WNT2B: variants seen among roughly 807,000 people sequenced by gnomAD.
WNT2B encodes the protein Wnt family member 2B.
A neutral mutation model predicts 40.5 loss-of-function variants in WNT2B; 19 were observed. That is an observed-to-expected ratio of 0.47 (90% CI 0.33 to 0.69). The LOEUF (loss-of-function observed/expected upper bound fraction) is 0.69. Ranked by LOEUF, WNT2B falls within the 30% of genes least tolerant of loss-of-function variation. The probability of loss-of-function intolerance (pLI) is 0.02; values close to 1 mark genes in which losing one functional copy is unlikely to be tolerated. For missense variants in WNT2B, 467 were observed against 556.4 expected, an observed-to-expected ratio of 0.84 and a Z score of 1.62; for synonymous variants, 220 against 211.9, an observed-to-expected ratio of 1.04 and a Z score of -0.33.
intron 1 of WNT2B, among the ~76,000 whole-genome samples, chr1:112,483,541 G>A (rs1233864518): frequency 1.3e-5 from 2 of 150,508 alleles, no homozygotes; most frequent in Non-Finnish European, 2.9e-5. Flanking sequence ...AAACATAGGG[G>A]AACATTTTCT....
intron 1 of WNT2B, among the ~76,000 whole-genome samples, chr1:112,485,460 C>CAA (rs55872721): frequency 1.4e-4 from 18 of 129,106 alleles, no homozygotes; most frequent in African/African-American, 4.9e-4. Flanking sequence ...GACTCTGTCT[C>CAA]AAAAAAAAAA....
chr1:112,489,693 C>T (rs1279506140), intron 1 of WNT2B, among the ~76,000 whole-genome samples: 2 of 152,194 alleles, frequency 1.3e-5, no homozygotes. Flanking sequence ...TTCCTCATCC[C>T]ATTGTTGAGT....
intron 1 of WNT2B, among the ~76,000 whole-genome samples, chr1:112,468,007 AT>A (rs1345902595): frequency 6.6e-6 from 1 of 152,094 alleles, no homozygotes; most frequent in Admixed American, 6.5e-5. Flanking sequence ...TCTATTCTCT[AT>A]GGCCATGAGG....
rs1399320070 is a variant in WNT2B at position 112,509,182 on chromosome 1, AG to A, written c.-79del. On this transcript the variant is annotated 5_prime_UTR_variant, in exon 1 of 5. The change creates a premature stop within an existing upstream ORF in the 5' untranslated region. Transcript: ENST00000369684. The surrounding 1 kb of genome is among the most constrained non-coding windows in gnomAD (Gnocchi z 4.2). ...AACACCATGGCCCCCCAGGGGGGTG[AG>A]GTAGGAGCAGCCTGAGTACCCCCAG... 7.2e-7 allele frequency: 1 copy of A among 1,398,508 alleles called. No homozygotes were observed. Among genetic ancestry groups the A allele is most frequent in the African/African-American group, 1.5e-5 (1 of 65,470 alleles). The allele number at this position is 1,398,508 out of a possible 1,614,324, so 86.6% of individuals were successfully genotyped here.
upstream of WNT2B, chr1:112,508,934 C>A: frequency 8.6e-7 from 1 of 1,164,480 alleles, no homozygotes; most frequent in Non-Finnish European, 1.1e-6. This position sits in a 1 kb window ranked among gnomAD's most constrained non-coding sequence, Gnocchi z 4.2. Flanking sequence ...CCGTCCCGTC[C>A]AATGAGAGCC....
At chr1:112,497,294 C>T (rs1259172196) in intron 1 of WNT2B, among the ~76,000 whole-genome samples, 4 of 152,162 alleles carry the variant, frequency 2.6e-5, no homozygotes, top group Non-Finnish European at 5.9e-5. Context: ...AGTCTTTGCC[C>T]GGGCCCTGAG....
chr1:112,493,723 T>C (rs974957643), intron 1 of WNT2B, among the ~76,000 whole-genome samples: 9 of 151,926 alleles, frequency 5.9e-5, no homozygotes, highest in Non-Finnish European at 1.3e-4. Flanking sequence ...AGGTATAACA[T>C]GTATAATGAG....
At chr1:112,512,705 A>C (rs889511507) in intron 1 of WNT2B, among the ~76,000 whole-genome samples, 1 of 152,180 alleles carries the variant, frequency 6.6e-6, no homozygotes, top group African/African-American at 2.4e-5. Flanking sequence ...CTGACATCTG[A>C]GCTCAGTGCT....
chr1:112,504,454 G>T (rs1359005658), upstream of WNT2B, among the ~76,000 whole-genome samples: 1 of 152,096 alleles, frequency 6.6e-6, no homozygotes, highest in Non-Finnish European at 1.5e-5. Context: ...AAGCCCTTTT[G>T]GTCTGGCCTC....
intron 1 of WNT2B, among the ~76,000 whole-genome samples, chr1:112,502,447 A>G (rs959991529): frequency 2.6e-5 from 4 of 152,258 alleles, no homozygotes; most frequent in East Asian, 1.9e-4. Flanking sequence ...AAATGATACA[A>G]TAAGTTCTCT....
At chr1:112,477,874 A>T (rs1291253356) in intron 1 of WNT2B, among the ~76,000 whole-genome samples, 1 of 152,234 alleles carries the variant, frequency 6.6e-6, no homozygotes. Context: ...GGAAAACAGT[A>T]AAGAAAGCCT....
chr1:112,516,542 A>C, intron 3 of WNT2B, 125 bp downstream of exon 3: 1 of 1,305,792 alleles, frequency 7.7e-7, no homozygotes, highest in South Asian at 1.6e-5. Context: ...CAAAAGCCCC[A>C]ACATCCTGGG....
intron 1 of WNT2B, among the ~76,000 whole-genome samples, chr1:112,474,995 CA>C (rs1264201500): frequency 2.0e-5 from 3 of 152,122 alleles, no homozygotes; most frequent in Admixed American, 2.0e-4. Context: ...GAGGCCTCCC[CA>C]GAAAGGGAGC....
chr1:112,469,229 A>G (rs954408371), intron 1 of WNT2B, among the ~76,000 whole-genome samples: 1 of 152,230 alleles, frequency 6.6e-6, no homozygotes, highest in Admixed American at 6.5e-5. Flanking sequence ...TTTTGAAGTG[A>G]GTCAAGAAGT....
chr1:112,484,242 T>TAC (rs1207449577), intron 1 of WNT2B, among the ~76,000 whole-genome samples: 1 of 126,796 alleles, frequency 7.9e-6, no homozygotes. Flanking sequence ...CACATATATA[T>TAC]ACACATATAT....
At chr1:112,513,769 G>A (rs539365222) in intron 1 of WNT2B, among the ~76,000 whole-genome samples, 65 of 152,296 alleles carry the variant, frequency 4.3e-4, no homozygotes, top group South Asian at 1.0e-3. Flanking sequence ...CCTTTGATGC[G>A]TTCTGGACAG....
In WNT2B at chr1:112,517,201, ACT is replaced by A; in HGVS notation, c.766_767del (p.Ser256ArgfsTer7). ...GTACTCTGCGCACCTGCTGGCGTGC[ACT>A]CTCAGATTTCCGCCGCACAGGTGAT... Reference protein sequence around the residue: ...SCTLRTCWRALSDFRRTGDYL... With the variant: ...SCTLRTCWRAXSDFRRTGDYL... On this transcript the variant is annotated frameshift_variant, in exon 4 of 5. Coordinates refer to ENST00000369684, the MANE Select transcript of WNT2B (RefSeq NM_024494.3). LOFTEE classifies it high-confidence loss of function. 6.2e-7 allele frequency: 1 copy of A among 1,614,086 alleles called. No homozygotes were observed. The highest frequency in any genetic ancestry group is 8.5e-7 in the Non-Finnish European group (1 of 1,180,022).
intron 3 of WNT2B, 128 bp from the exon 4 acceptor site, chr1:112,516,993 G>A (rs1198102806): frequency 3.0e-5 from 39 of 1,281,026 alleles, no homozygotes; most frequent in Admixed American, 2.9e-4. Flanking sequence ...GGAGAGAACC[G>A]AGAGCTCAAT....
At chr1:112,508,779 AGCAGGTGGGGGT>A, upstream of WNT2B, 1 of 987,108 alleles carries the variant, frequency 1.0e-6, no homozygotes, top group Non-Finnish European at 1.2e-6. This position sits in a 1 kb window ranked among gnomAD's most constrained non-coding sequence, Gnocchi z 4.2. Flanking sequence ...AGCGTGCGGG[AGCAGGTGGGGGT>A]GCAGCGCGGT....
Sources: gnomAD v4.1 joint callset for allele counts (sites outside exome capture counted in the v4.1 genomes callset) on GRCh38, gnomAD v4.1.1 for gene constraint, Gnocchi (gnomAD v3.1) non-coding constraint, MANE v1.5 for transcripts, NCBI Gene and HGNC (gene_info 2026-07-23, HGNC 2026-07-21) for gene names.